ZNF91: variants seen among roughly 807,000 people sequenced by gnomAD.
ZNF91 encodes zinc finger protein 91, also known as zinc finger protein 91 (HPF7, HTF10).
ZNF91 carries 7 observed loss-of-function variants against 12.6 expected under a neutral mutation model. The observed-to-expected ratio is 0.55, with a 90% confidence interval of 0.31 to 1.04. The LOEUF is 1.04. Ranked by LOEUF, ZNF91 falls within the 50% of genes least tolerant of loss-of-function variation. The probability of loss-of-function intolerance (pLI) is 0.05; values close to 1 mark genes in which losing one functional copy is unlikely to be tolerated. For synonymous variants in ZNF91, 453 were observed against 462.6 expected, an observed-to-expected ratio of 0.98 and a Z score of 0.27; for missense variants, 1,217 against 1,385.4, an observed-to-expected ratio of 0.88 and a Z score of 1.93.
At position 23,359,579 on chromosome 19, in the gene ZNF91, A is replaced by C. The variant is rs777247845; in HGVS notation, c.3400T>G (p.Tyr1134Asp). ...GCTTTGCCACATTTTTCACATTTGTAGGGTTTCTCTCCAGTGTGAATTATC... is the reference window on the plus strand; with the variant it reads ...GCTTTGCCACATTTTTCACATTTGTCGGGTTTCTCTCCAGTGTGAATTATC... ...HKIIHTGEKPYKCEKCGKAFN... is the reference protein window; with the variant it reads ...HKIIHTGEKPDKCEKCGKAFN... Residue 1134 changes from tyrosine to aspartate, a missense_variant, in exon 4 of 4, where the codon TAC becomes GAC. Transcript: ENST00000300619. 11 of 1,613,958 alleles carry C rather than the reference A, an allele frequency of 6.8e-6. No homozygotes were observed. Among genetic ancestry groups the C allele is most frequent in the South Asian group, 1.1e-5 (1 of 91,076 alleles).
intron 1 of ZNF91, among the ~76,000 whole-genome samples, chr19:23,376,573 G>T (rs970813523): frequency 1.3e-5 from 2 of 151,968 alleles, no homozygotes; most frequent in Non-Finnish European, 2.9e-5. Flanking sequence ...ATTTTTTGTA[G>T]AGACAGGGTT....
intron 1 of ZNF91, among the ~76,000 whole-genome samples, chr19:23,378,904 C>A (rs1339900328): frequency 6.6e-6 from 1 of 152,150 alleles, no homozygotes; most frequent in East Asian, 1.9e-4. Context: ...AGTCTCCAGA[C>A]CTCCTCATCA....
At chr19:23,316,017 T>A (rs961059285) in intron 1 of ZNF91, among the ~76,000 whole-genome samples, 4 of 152,176 alleles carry the variant, frequency 2.6e-5, no homozygotes, top group African/African-American at 9.7e-5. Flanking sequence ...AAGTAGGTGA[T>A]GCGACTCTTC....
At chr19:23,323,298 CTCT>C (rs1288271503) in intron 1 of ZNF91, among the ~76,000 whole-genome samples, 2 of 146,646 alleles carry the variant, frequency 1.4e-5, no homozygotes, top group African/African-American at 2.5e-5. Flanking sequence ...TCCCCTCCTT[CTCT>C]TCCTCATCTT....
chr19:23,391,964 A>T lies in ZNF91; in HGVS notation c.30+3361T>A, dbSNP rs1158879206. On this transcript the variant is annotated intron_variant, in intron 1 of 3. Coordinates refer to ENST00000300619, the MANE Select transcript of ZNF91 (RefSeq NM_003430.4). ...GGTGGTAGAATAATTCAGCAAAATT[A>T]TGCAAACACAGTGTTCATACAAGGG... Among the ~76,000 whole-genome samples the T allele has an allele frequency of 3.9e-5, 6 of 152,332 alleles. No homozygotes were observed. In the East Asian group the frequency reaches 1.2e-3, roughly 29 times the overall value.
chr19:23,341,013 A>T (rs1460729081), intron 3 of ZNF91, among the ~76,000 whole-genome samples: 1 of 151,968 alleles, frequency 6.6e-6, no homozygotes, highest in Non-Finnish European at 1.5e-5. Context: ...GCCAACACGC[A>T]TATGAAAAAA....
chr19:23,379,565 T>C (rs1969620740), intron 1 of ZNF91, among the ~76,000 whole-genome samples: 1 of 152,192 alleles, frequency 6.6e-6, no homozygotes, highest in South Asian at 2.1e-4. Context: ...CGCCATGTCA[T>C]AGGTAGTTCA....
chr19:23,353,318 T>C (rs953022694), downstream of ZNF91, among the ~76,000 whole-genome samples: 19 of 152,124 alleles, frequency 1.2e-4, no homozygotes, highest in African/African-American at 4.3e-4. Flanking sequence ...TTCAAAACCA[T>C]GCAAATTCAT....
At chr19:23,341,072 T>G (rs953914272) in intron 3 of ZNF91, among the ~76,000 whole-genome samples, 1 of 145,826 alleles carries the variant, frequency 6.9e-6, no homozygotes, top group Non-Finnish European at 1.5e-5. Context: ...TTTTTTTTTT[T>G]GAGACGGAGT....
intron 1 of ZNF91, among the ~76,000 whole-genome samples, chr19:23,330,424 T>C (rs1231662179): frequency 6.6e-6 from 1 of 152,200 alleles, no homozygotes; most frequent in Non-Finnish European, 1.5e-5. Flanking sequence ...TTGTCTCTGA[T>C]GTCATCCACA....
chr19:23,318,515 T>G (rs1967617147), intron 1 of ZNF91, among the ~76,000 whole-genome samples: 3 of 152,044 alleles, frequency 2.0e-5, no homozygotes, highest in Non-Finnish European at 4.4e-5. Flanking sequence ...CTCAGAAAGC[T>G]TTCTGACATA....
At chr19:23,336,640 T>C (rs1968013786), downstream of ZNF91, among the ~76,000 whole-genome samples, 1 of 152,234 alleles carries the variant, frequency 6.6e-6, no homozygotes, top group African/African-American at 2.4e-5. Flanking sequence ...CGCTTATCTA[T>C]GTCTGCAGCT....
At chr19:23,311,372 G>A (rs924322674), upstream of ZNF91, among the ~76,000 whole-genome samples, 1 of 151,862 alleles carries the variant, frequency 6.6e-6, no homozygotes, top group Non-Finnish European at 1.5e-5. Context: ...CTACTTTCTC[G>A]CATAAGTCCT....
At chr19:23,340,883 A>T (rs1261526944) in intron 3 of ZNF91, among the ~76,000 whole-genome samples, 2 of 151,706 alleles carry the variant, frequency 1.3e-5, no homozygotes, top group African/African-American at 4.8e-5. Context: ...TGGAACTAAT[A>T]TTCAGTACTT....
intron 1 of ZNF91, among the ~76,000 whole-genome samples, chr19:23,388,220 T>C (rs1322687577): frequency 6.6e-6 from 1 of 152,020 alleles, no homozygotes; most frequent in East Asian, 1.9e-4. Flanking sequence ...TACTTCAGCC[T>C]GGGCAACAGA....
intron 3 of ZNF91, among the ~76,000 whole-genome samples, chr19:23,350,534 C>T (rs1366076488): frequency 6.6e-6 from 1 of 152,142 alleles, no homozygotes; most frequent in Non-Finnish European, 1.5e-5. Context: ...GCGAAGGTGC[C>T]CATGCCACCC....
In ZNF91 at chr19:23,368,510, A is replaced by ATCTCTCTC. The variant is rs573590418; in HGVS notation, c.253+5224_253+5231dup. On this transcript the variant is annotated intron_variant, in intron 3 of 3. Transcript: ENST00000300619. ...AGCCTGGGTGACAGAGCGAAACTCC[A>ATCTCTCTC]TCTCTCTCTCTCTCTCTCTCTCTCT... 4.5e-4 allele frequency among the ~76,000 whole-genome samples: 42 copies of ATCTCTCTC among 94,322 alleles called. 1 individual carries two copies. The highest frequency in any genetic ancestry group is 6.2e-4 in the Non-Finnish European group (31 of 49,952). 61.9% of individuals were successfully genotyped at this position (94,322 alleles called of 152,430 possible). A position where few individuals can be genotyped will look rare whatever the true frequency, so the allele number is the denominator to read the frequency against.
At chr19:23,391,278 A>G (rs911382739) in intron 1 of ZNF91, among the ~76,000 whole-genome samples, 3 of 152,184 alleles carry the variant, frequency 2.0e-5, no homozygotes, top group African/African-American at 7.2e-5. Context: ...TAAACATAAA[A>G]TACTTCTTAA....
chr19:23,332,494 T>C (rs1967943403), intron 1 of ZNF91, among the ~76,000 whole-genome samples: 1 of 151,822 alleles, frequency 6.6e-6, no homozygotes, highest in African/African-American at 2.4e-5. Context: ...TCTCCAGGGC[T>C]GTGCTTCTGA....
Sources: allele counts gnomAD v4.1 joint callset (sites outside exome capture counted in the v4.1 genomes callset), GRCh38; gene constraint gnomAD v4.1.1; transcripts MANE v1.5; gene names NCBI Gene and HGNC (gene_info 2026-07-23, HGNC 2026-07-21).